Variants in USH2A observed in about 807,000 individuals in gnomAD.
USH2A encodes the protein usherin.
Under a neutral mutation model 538.9 loss-of-function variants are expected in USH2A, and 443 were observed. The observed-to-expected ratio is 0.82, with a 90% CI of 0.76 to 0.89. USH2A has a LOEUF of 0.89. Among genes scored for constraint, USH2A ranks in the 40% least tolerant of loss-of-function variants. The pLI is 0.00. For missense variants in USH2A, 6,633 were observed against 6,324.8 expected (o/e 1.05, Z -1.65); for synonymous variants, 2,413 against 2,273.5 (o/e 1.06, Z -1.75).
chr1:215,895,977 C>G lies in USH2A; in HGVS notation c.7594+4098G>C, dbSNP rs1665329815. Among the ~76,000 whole-genome samples, 4 of 152,138 alleles carry G rather than the reference C, an allele frequency of 2.6e-5. No homozygotes were observed. The South Asian group carries it at 8.3e-4, about 32-fold the overall frequency. Reference sequence around the variant, plus strand: ...ACAATGATAAGTGTGTATCTCAACACAGAAAAGGTACAGTAAAAATATGAT... The same window carrying G: ...ACAATGATAAGTGTGTATCTCAACAGAGAAAAGGTACAGTAAAAATATGAT... On this transcript the variant is annotated intron_variant, in intron 40 of 71. Coordinates refer to ENST00000307340, the MANE Select transcript of USH2A (RefSeq NM_206933.4).
intron 21 of USH2A, among the ~76,000 whole-genome samples, chr1:216,099,015 G>A (rs573440456): frequency 6.6e-6 from 1 of 152,276 alleles, no homozygotes; most frequent in South Asian, 2.1e-4. Context: ...AGAAGACAAA[G>A]ATGAAAAAGA....
At chr1:215,884,841 C>A (rs1295079811) in intron 41 of USH2A, among the ~76,000 whole-genome samples, 1 of 152,116 alleles carries the variant, frequency 6.6e-6, no homozygotes, top group Non-Finnish European at 1.5e-5. Context: ...TGACACTGTT[C>A]CTTGTGGCGC....
intron 64 of USH2A, among the ~76,000 whole-genome samples, chr1:215,663,086 C>A (rs917153317): frequency 6.6e-6 from 1 of 152,160 alleles, no homozygotes; most frequent in African/African-American, 2.4e-5. Flanking sequence ...GAGGGTTGAA[C>A]TTCCTAGCGG....
intron 4 of USH2A, among the ~76,000 whole-genome samples, chr1:216,331,607 C>G (rs2037864212): frequency 6.6e-6 from 1 of 152,032 alleles, no homozygotes; most frequent in Admixed American, 6.6e-5. Context: ...AGAAAATTTC[C>G]ATGACTGTAC....
intron 44 of USH2A, among the ~76,000 whole-genome samples, chr1:215,865,802 G>A (rs1571761178): frequency 6.6e-6 from 1 of 152,204 alleles, no homozygotes; most frequent in Non-Finnish European, 1.5e-5. Context: ...TGGAAACACA[G>A]ATAAACCTAA....
At chr1:215,988,018 T>C (rs563847728) in intron 35 of USH2A, among the ~76,000 whole-genome samples, 2 of 152,156 alleles carry the variant, frequency 1.3e-5, no homozygotes, top group Admixed American at 6.5e-5. Flanking sequence ...ACATCCTCTC[T>C]GTATCTTTTT....
At chr1:215,755,257 A>G (rs1660755838) in intron 58 of USH2A, among the ~76,000 whole-genome samples, 1 of 152,192 alleles carries the variant, frequency 6.6e-6, no homozygotes, top group African/African-American at 2.4e-5. Flanking sequence ...TCTAATGCTC[A>G]TTCAGGTTTG....
chr1:215,983,074 C>A (rs1667787075), intron 35 of USH2A, among the ~76,000 whole-genome samples: 1 of 152,282 alleles, frequency 6.6e-6, no homozygotes, highest in East Asian at 1.9e-4. Context: ...CCTTAGCCTC[C>A]AGAGTAGCTG....
At chr1:216,211,382 C>T (rs919863800) in intron 15 of USH2A, among the ~76,000 whole-genome samples, 3 of 152,100 alleles carry the variant, frequency 2.0e-5, no homozygotes, top group Non-Finnish European at 2.9e-5. Context: ...AGGTATATAG[C>T]GCAAGAGTTG....
chr1:216,078,679 A>C (rs2031836611), intron 26 of USH2A, among the ~76,000 whole-genome samples: 1 of 152,152 alleles, frequency 6.6e-6, no homozygotes, highest in African/African-American at 2.4e-5. Flanking sequence ...CCCCTGCATA[A>C]GTGACTGAAT....
chr1:216,280,291 G>A (rs1199562064), intron 11 of USH2A, among the ~76,000 whole-genome samples: 1 of 151,962 alleles, frequency 6.6e-6, no homozygotes, highest in Admixed American at 6.6e-5. Context: ...CTGTTCATAA[G>A]ATAGACTTCT....
intron 4 of USH2A, among the ~76,000 whole-genome samples, chr1:216,357,468 T>C (rs1365639430): frequency 6.6e-6 from 1 of 152,072 alleles, no homozygotes; most frequent in Admixed American, 6.6e-5. Flanking sequence ...TGGTAGAAAT[T>C]AGAAGTAGCA....
intron 4 of USH2A, among the ~76,000 whole-genome samples, chr1:216,335,276 T>C (rs2037947151): frequency 2.0e-5 from 3 of 151,672 alleles, no homozygotes; most frequent in Admixed American, 6.6e-5. Context: ...TATCACACTT[T>C]ATGGGATTTA....
chr1:216,192,843 T>A (rs1280187596), intron 19 of USH2A, among the ~76,000 whole-genome samples: 1 of 152,140 alleles, frequency 6.6e-6, no homozygotes, highest in Non-Finnish European at 1.5e-5. Flanking sequence ...AGCTAGTTTA[T>A]AAAGTATAAT....
chr1:216,377,847 GAAAGAAAGAAAGAAAGAAAGAAGGAAA>G (rs1558061806), intron 3 of USH2A, among the ~76,000 whole-genome samples: 123 of 132,604 alleles, frequency 9.3e-4, no homozygotes, highest in African/African-American at 2.8e-3. Context: ...AAGAAAGAAA[GAAAGAAAGAAAGAAAGAAAGAAGGAAA>G]GAAAGAAAGG....
At chr1:216,343,159 C>A (rs1168415691) in intron 4 of USH2A, among the ~76,000 whole-genome samples, 2 of 151,880 alleles carry the variant, frequency 1.3e-5, no homozygotes, top group African/African-American at 4.8e-5. Context: ...ATAGATATAG[C>A]TGCCCACAGA....
intron 35 of USH2A, among the ~76,000 whole-genome samples, chr1:215,977,444 G>A (rs1667647390): frequency 6.6e-6 from 1 of 152,042 alleles, no homozygotes; most frequent in Non-Finnish European, 1.5e-5. Context: ...AAGATTTTGA[G>A]TCCTTGAAAT....
intron 32 of USH2A, among the ~76,000 whole-genome samples, chr1:216,031,368 G>A (rs1669118493): frequency 6.6e-6 from 1 of 152,014 alleles, no homozygotes; most frequent in South Asian, 2.1e-4. Context: ...GTGTCATCAG[G>A]AAATATTTAA....
In USH2A at chr1:216,156,898, G is replaced by A. The variant is rs377475633; in HGVS notation, c.4627+18354C>T. ...TATCTCTTTTTTTTTTTTTTGAGAC[G>A]GAGTTTTGCTCTGTTGCCAGGCTGG... is the stretch of plus-strand genomic sequence containing the variant. On this transcript the variant is annotated intron_variant, in intron 21 of 71. Coordinates refer to ENST00000307340, the MANE Select transcript of USH2A (RefSeq NM_206933.4). 6.7e-5 allele frequency among the ~76,000 whole-genome samples: 10 copies of A among 149,238 alleles called. 1 individual carries two copies. Among genetic ancestry groups the A allele is most frequent in the African/African-American group, 2.0e-4 (8 of 40,308 alleles).
Sources: allele counts gnomAD v4.1 joint callset (sites outside exome capture counted in the v4.1 genomes callset), GRCh38; gene constraint gnomAD v4.1.1; transcripts MANE v1.5; gene names NCBI Gene and HGNC (gene_info 2026-07-23, HGNC 2026-07-21).